Variants in GNG2 observed in about 807,000 individuals in gnomAD.
The protein encoded by GNG2 is guanine nucleotide-binding protein G(I)/G(S)/G(O) subunit gamma-2.
GNG2 carries 5 observed loss-of-function variants against 5.5 expected under a neutral mutation model. The observed-to-expected ratio is 0.91, with a 90% CI of 0.48 to 1.92. The LOEUF (loss-of-function observed/expected upper bound fraction) is 1.92. Among genes scored for constraint, GNG2 ranks in the 30% most tolerant of loss-of-function variants. The pLI, the probability that GNG2 is intolerant of heterozygous loss-of-function variation, is 0.01. For synonymous variants in GNG2, 28 were observed against 32.0 expected (o/e 0.88, Z 0.42); for missense variants, 55 against 88.4 (o/e 0.62, Z 1.52).
At chr14:51,924,479 A>T (rs1206456622) in intron 2 of GNG2, among the ~76,000 whole-genome samples, 1 of 152,220 alleles carries the variant, frequency 6.6e-6, no homozygotes, top group African/African-American at 2.4e-5. Flanking sequence ...AATATGTGTT[A>T]CCTCAGTGAG....
chr14:51,855,064 A>G (rs759720516), intron 2 of GNG2, among the ~76,000 whole-genome samples: 1 of 152,112 alleles, frequency 6.6e-6, no homozygotes, highest in Non-Finnish European at 1.5e-5. Flanking sequence ...TCTTTAACTC[A>G]TTCATCACCG....
At chr14:51,870,098 T>G (rs935938896) in intron 1 of GNG2, among the ~76,000 whole-genome samples, 6 of 152,170 alleles carry the variant, frequency 3.9e-5, no homozygotes, top group African/African-American at 1.4e-4. Context: ...ATATCCAGAC[T>G]AAAAAGGTTA....
rs150174586 is a variant in GNG2 at position 51,899,340 on chromosome 14, C to A, written c.-30+21683C>A. ...TACTCCCTTGAGGGTTAGGCCATCC[C>A]TAGCTGGGATGGAACTGAAGTAATA... On this transcript the variant is annotated intron_variant, in intron 2 of 3. Coordinates refer to ENST00000556766, the MANE Select transcript of GNG2 (RefSeq NM_053064.5). 5.1e-4 allele frequency among the ~76,000 whole-genome samples: 78 copies of A among 152,306 alleles called. No individual in the cohort carries two copies. In the Middle Eastern group the frequency reaches 0.01, roughly 20 times the overall value.
chr14:51,855,372 C>T (rs1882108890), intron 2 of GNG2, among the ~76,000 whole-genome samples: 1 of 152,198 alleles, frequency 6.6e-6, no homozygotes, highest in Non-Finnish European at 1.5e-5. Context: ...CCCACCCACC[C>T]CCTGACTCTC....
chr14:51,849,078 T>C (rs759922641), intron 2 of GNG2, among the ~76,000 whole-genome samples: 3 of 152,238 alleles, frequency 2.0e-5, no homozygotes, highest in Non-Finnish European at 2.9e-5. Flanking sequence ...TTAACATTTC[T>C]GGCCCTCAGT....
intron 1 of GNG2, among the ~76,000 whole-genome samples, chr14:51,865,356 G>T (rs534192569): frequency 6.6e-6 from 1 of 152,080 alleles, no homozygotes; most frequent in East Asian, 1.9e-4. Flanking sequence ...TGATGACTAT[G>T]TTAATTAGCC....
intron 1 of GNG2, among the ~76,000 whole-genome samples, chr14:51,871,795 A>G (rs1273686191): frequency 6.6e-6 from 1 of 152,198 alleles, no homozygotes; most frequent in Non-Finnish European, 1.5e-5. Flanking sequence ...GAAGCCTATT[A>G]TTGTCGGATG....
At chr14:51,859,195 C>T (rs1409446502), upstream of GNG2, among the ~76,000 whole-genome samples, 1 of 152,134 alleles carries the variant, frequency 6.6e-6, no homozygotes, top group East Asian at 1.9e-4. Context: ...GCACTGATTC[C>T]TGAGAAGAGG....
intron 2 of GNG2, among the ~76,000 whole-genome samples, chr14:51,928,070 A>G (rs910617563): frequency 7.9e-6 from 1 of 126,346 alleles, no homozygotes; most frequent in African/African-American, 3.2e-5. Flanking sequence ...TCGCTCCGTC[A>G]TCCAGGCTCG....
intron 2 of GNG2, among the ~76,000 whole-genome samples, chr14:51,947,845 CAGTT>C (rs1888730060): frequency 6.6e-6 from 1 of 152,164 alleles, no homozygotes; most frequent in African/African-American, 2.4e-5. Context: ...GTCATTTACT[CAGTT>C]AATAGCAGGT....
At chr14:51,842,370 T>C (rs1447691020) in intron 2 of GNG2, among the ~76,000 whole-genome samples, 1 of 152,208 alleles carries the variant, frequency 6.6e-6, no homozygotes, top group Non-Finnish European at 1.5e-5. Context: ...GTTCATTTGT[T>C]TCTTCTTTCT....
chr14:51,941,732 A>G (rs930610692), intron 2 of GNG2, among the ~76,000 whole-genome samples: 3 of 152,218 alleles, frequency 2.0e-5, no homozygotes, highest in Non-Finnish European at 4.4e-5. Flanking sequence ...CTTAACAGAA[A>G]AGTTCCTTCT....
intron 3 of GNG2, among the ~76,000 whole-genome samples, chr14:51,962,075 G>C (rs1019860373): frequency 2.0e-5 from 3 of 152,104 alleles, no homozygotes; most frequent in Admixed American, 2.0e-4. Flanking sequence ...ACATTTTTGT[G>C]CTCTTGACTC....
chr14:51,869,543 C>T (rs561057229), intron 1 of GNG2, among the ~76,000 whole-genome samples: 1 of 152,264 alleles, frequency 6.6e-6, no homozygotes, highest in East Asian at 1.9e-4. Context: ...AACAGGGCCT[C>T]GGTCTGTCAC....
chr14:51,851,540 A>T (rs767396203), intron 2 of GNG2, among the ~76,000 whole-genome samples: 4 of 152,248 alleles, frequency 2.6e-5, no homozygotes, highest in Non-Finnish European at 4.4e-5. Context: ...ATCAGGCACC[A>T]TCAAGACCCT....
intron 1 of GNG2, among the ~76,000 whole-genome samples, chr14:51,865,991 A>T (rs1020433029): frequency 6.6e-6 from 1 of 152,200 alleles, no homozygotes; most frequent in African/African-American, 2.4e-5. Flanking sequence ...TTTAGTGATA[A>T]CATGTTTCTT....
Position 51,922,163 on chromosome 14 carries a change from G to A in GNG2, c.-29-28487G>A, listed in dbSNP as rs182803781. 3.2e-3 allele frequency among the ~76,000 whole-genome samples: 480 copies of A among 152,282 alleles called. 4 individuals are homozygous for A. The highest frequency in any genetic ancestry group is 0.011 in the African/African-American group (450 of 41,550). On this transcript the variant is annotated intron_variant, in intron 2 of 3. Transcript: ENST00000556766. ...TAAAACTCTGACAATTCAGACTATT[G>A]TGATTTGGGGATGTCTGAAATAATG...
intron 3 of GNG2, chr14:51,951,749 TAAAG>T (rs1888988185): frequency 1.7e-6 from 1 of 589,408 alleles, no homozygotes; most frequent in Non-Finnish European, 3.0e-6. Context: ...CCTATGTTTA[TAAAG>T]AAAGTTTTAT....
intron 2 of GNG2, among the ~76,000 whole-genome samples, chr14:51,850,911 C>T (rs1394989631): frequency 1.3e-5 from 2 of 152,166 alleles, no homozygotes; most frequent in Admixed American, 6.5e-5. Context: ...GATCCACCCC[C>T]ATGATCAAAA....
Sources: gnomAD v4.1 joint callset for allele counts (sites outside exome capture counted in the v4.1 genomes callset) on GRCh38, gnomAD v4.1.1 for gene constraint, MANE v1.5 for transcripts, NCBI Gene and HGNC (gene_info 2026-07-23, HGNC 2026-07-21) for gene names.